Variants in DPP10 observed in about 807,000 individuals in gnomAD.
DPP10 encodes the protein dipeptidyl peptidase like 10, also known as inactive dipeptidyl peptidase 10.
A neutral mutation model predicts 120.9 loss-of-function variants in DPP10; 33 were observed. That is an observed-to-expected ratio of 0.27 (90% CI 0.21 to 0.37). The LOEUF (loss-of-function observed/expected upper bound fraction) is 0.37, where lower values mean the gene tolerates loss of function less well. DPP10 is among the 10% of genes least tolerant of loss of function. The probability of loss-of-function intolerance (pLI) is 1.00; values close to 1 mark genes in which losing one functional copy is unlikely to be tolerated. For missense variants in DPP10, 816 were observed against 942.8 expected, an observed-to-expected ratio of 0.87 and a Z score of 1.76; for synonymous variants, 337 against 326.1, an observed-to-expected ratio of 1.03 and a Z score of -0.36.
At chr2:114,726,020 C>A (rs1702019124) in intron 1 of DPP10, among the ~76,000 whole-genome samples, 1 of 152,066 alleles carries the variant, frequency 6.6e-6, no homozygotes, top group South Asian at 2.1e-4. Flanking sequence ...ATCACGAGGT[C>A]AGGAGATCGA....
intron 7 of DPP10, among the ~76,000 whole-genome samples, chr2:115,708,503 C>G (rs1025822843): frequency 6.6e-6 from 1 of 151,922 alleles, no homozygotes; most frequent in Non-Finnish European, 1.5e-5. Context: ...TCTAACATCC[C>G]AGAACTAAAC....
intron 1 of DPP10, among the ~76,000 whole-genome samples, chr2:115,063,312 A>G (rs1043033543): frequency 5.3e-5 from 8 of 152,192 alleles, no homozygotes; most frequent in Admixed American, 2.0e-4. Flanking sequence ...GAGAGATTGC[A>G]AAAATTTTCT....
At chr2:114,899,810 A>AG (rs1242125955) in intron 1 of DPP10, among the ~76,000 whole-genome samples, 1 of 150,878 alleles carries the variant, frequency 6.6e-6, no homozygotes, top group Non-Finnish European at 1.5e-5. Flanking sequence ...ACAAAAAAAA[A>AG]TTAGCCGGGC....
At chr2:115,758,805 T>C (rs1348844333) in intron 11 of DPP10, among the ~76,000 whole-genome samples, 1 of 152,126 alleles carries the variant, frequency 6.6e-6, no homozygotes, top group Non-Finnish European at 1.5e-5. Context: ...TTTATATGAT[T>C]GATTGATTTT....
At chr2:115,088,630 G>C (rs1708935848) in intron 1 of DPP10, among the ~76,000 whole-genome samples, 1 of 149,974 alleles carries the variant, frequency 6.7e-6, no homozygotes, top group Admixed American at 6.7e-5. Flanking sequence ...ATTATCTGTA[G>C]AGACAGGATC....
intron 5 of DPP10, among the ~76,000 whole-genome samples, chr2:115,529,818 C>T (rs1427226618): frequency 6.6e-6 from 1 of 151,994 alleles, no homozygotes; most frequent in Non-Finnish European, 1.5e-5. Flanking sequence ...TAGGTTATGC[C>T]AGATCATCCC....
intron 1 of DPP10, among the ~76,000 whole-genome samples, chr2:114,920,543 A>T (rs180672119): frequency 6.6e-6 from 1 of 152,230 alleles, no homozygotes; most frequent in Non-Finnish European, 1.5e-5. Flanking sequence ...AGTAGGAAGC[A>T]TACTATCTTG....
chr2:115,232,416 T>C (rs938549917), intron 1 of DPP10, among the ~76,000 whole-genome samples: 1 of 152,198 alleles, frequency 6.6e-6, no homozygotes, highest in Admixed American at 6.5e-5. Context: ...GATGATAATA[T>C]GATAGGCTGG....
chr2:114,799,872 T>C (rs899131240), intron 1 of DPP10, among the ~76,000 whole-genome samples: 7 of 152,300 alleles, frequency 4.6e-5, no homozygotes, highest in African/African-American at 1.2e-4. Context: ...GAAATTTAAA[T>C]TGGCAGCTGG....
Position 115,809,308 on chromosome 2 carries a change from C to T in DPP10, c.1701-5485C>T, listed in dbSNP as rs148976947. ...GGCAAACTTCATTATACTTTAGATA[C>T]ACATATGCTGCAACTAAATCATCAT... On this transcript the variant is annotated intron_variant, in intron 19 of 25. Coordinates refer to ENST00000410059, the MANE Select transcript of DPP10 (RefSeq NM_020868.6). Among the ~76,000 whole-genome samples, 434 of 152,266 alleles carry T rather than the reference C, an allele frequency of 2.9e-3. 2 individuals are homozygous for T. The highest frequency in any genetic ancestry group is 4.4e-3 in the Non-Finnish European group (301 of 68,026).
At chr2:115,203,281 A>G (rs1158317205) in intron 1 of DPP10, among the ~76,000 whole-genome samples, 1 of 152,116 alleles carries the variant, frequency 6.6e-6, no homozygotes, top group Non-Finnish European at 1.5e-5. Flanking sequence ...TCCCTCTCCA[A>G]CCTTATTTTT....
At chr2:114,555,372 C>T (rs1688205612) in intron 1 of DPP10, among the ~76,000 whole-genome samples, 1 of 152,162 alleles carries the variant, frequency 6.6e-6, no homozygotes, top group Non-Finnish European at 1.5e-5. Flanking sequence ...TCTCCACCTT[C>T]AAGGGTCTTA....
At chr2:115,587,184 G>A (rs1218955781) in intron 5 of DPP10, among the ~76,000 whole-genome samples, 1 of 133,402 alleles carries the variant, frequency 7.5e-6, no homozygotes, top group Non-Finnish European at 1.5e-5. Context: ...TGCAAGCTCC[G>A]CCTCCCGGGT....
intron 1 of DPP10, among the ~76,000 whole-genome samples, chr2:114,678,827 C>T (rs1698833478): frequency 6.6e-6 from 1 of 152,060 alleles, no homozygotes; most frequent in Admixed American, 6.6e-5. Flanking sequence ...TACTTATACT[C>T]TCAAATTTAT....
At chr2:114,772,278 C>T (rs1210613631) in intron 1 of DPP10, among the ~76,000 whole-genome samples, 3 of 151,938 alleles carry the variant, frequency 2.0e-5, no homozygotes, top group African/African-American at 7.3e-5. Context: ...CTGCCTCAGC[C>T]CACCGAGTAG....
intron 1 of DPP10, among the ~76,000 whole-genome samples, chr2:115,168,763 T>A (rs1208444137): frequency 6.6e-6 from 1 of 152,186 alleles, no homozygotes; most frequent in Admixed American, 6.5e-5. Flanking sequence ...ACTGGGGCAC[T>A]GAAAAGAAAG....
intron 1 of DPP10, among the ~76,000 whole-genome samples, chr2:115,004,810 C>T (rs915434517): frequency 6.6e-6 from 1 of 152,186 alleles, no homozygotes; most frequent in Non-Finnish European, 1.5e-5. Context: ...CACCATTGCC[C>T]AGGCTTGCTT....
rs1477976599 is a variant in DPP10 at position 115,087,535 on chromosome 2, TTTC to T, written c.61-221701_61-221699del. Among the ~76,000 whole-genome samples, 32 of 130,416 alleles carry T rather than the reference TTTC, an allele frequency of 2.5e-4. 1 individual carries two copies. Among genetic ancestry groups the T allele is most frequent in the East Asian group, 2.0e-3 (10 of 4,956 alleles). The allele number at this position is 130,416 out of a possible 152,430, so 85.6% of individuals were successfully genotyped here. ...TTTTTCTTTCTTTCTTTTCTTTTCT[TTTC>T]TTTTTTTTTTTTTTTTTTGACAGAG... On this transcript the variant is annotated intron_variant, in intron 1 of 25. Transcript: ENST00000410059.
At position 114,949,011 on chromosome 2, in the gene DPP10, G is replaced by A. The variant is rs564155386; in HGVS notation, c.61-360228G>A. Among the ~76,000 whole-genome samples, 190 of 151,550 alleles carry A rather than the reference G, an allele frequency of 1.3e-3. 1 individual carries two copies. Among genetic ancestry groups the A allele is most frequent in the Non-Finnish European group, 2.3e-3 (154 of 67,896 alleles). On this transcript the variant is annotated intron_variant, in intron 1 of 25. Coordinates refer to ENST00000410059, the MANE Select transcript of DPP10 (RefSeq NM_020868.6). Reference sequence around the variant, plus strand: ...ACAATCTCAGCTCACTTCAACCTCCGCCTCCCGGGTTCAAGTGATTCTCCT... The same window carrying A: ...ACAATCTCAGCTCACTTCAACCTCCACCTCCCGGGTTCAAGTGATTCTCCT...
Sources: gnomAD v4.1 joint callset for allele counts (sites outside exome capture counted in the v4.1 genomes callset) on GRCh38, gnomAD v4.1.1 for gene constraint, MANE v1.5 for transcripts, NCBI Gene and HGNC (gene_info 2026-07-23, HGNC 2026-07-21) for gene names.